The following WDR33 variants were observed in gnomAD, a reference collection of about 807,000 sequenced individuals.
The protein encoded by WDR33 is WD repeat domain 33.
In WDR33, 47 loss-of-function variants were observed where a neutral mutation model predicts 164.9. The ratio of observed to expected loss-of-function variants is 0.29; its 90% CI spans 0.23 to 0.36. The LOEUF is 0.36. WDR33 is among the 10% of genes least tolerant of loss of function. WDR33 has a pLI of 1.00. For synonymous variants in WDR33, 505 were observed against 589.0 expected, an observed-to-expected ratio of 0.86 and a Z score of 2.06; for missense variants, 1,137 against 1,754.1, an observed-to-expected ratio of 0.65 and a Z score of 6.28.
Position 127,716,893 on chromosome 2 carries a change from G to T in WDR33, c.2869+262C>A, listed in dbSNP as rs1270976616. Reference sequence around the variant, plus strand: ...GGAACCACCTGCATTGCCAACAGATGGGCAAGGCCAGCCTGCCACACAGGC... The same window carrying T: ...GGAACCACCTGCATTGCCAACAGATTGGCAAGGCCAGCCTGCCACACAGGC... On this transcript the variant is annotated intron_variant, in intron 17 of 21. Coordinates refer to ENST00000322313, the MANE Select transcript of WDR33 (RefSeq NM_018383.5). The surrounding 1 kb of genome is among the most constrained non-coding windows in gnomAD (Gnocchi z 4.5). Among the ~76,000 whole-genome samples, 1 of 152,222 alleles carries T rather than the reference G, an allele frequency of 6.6e-6. No homozygotes were observed. The highest frequency in any genetic ancestry group is 1.5e-5 in the Non-Finnish European group (1 of 68,034).
At position 127,770,667 on chromosome 2, in the gene WDR33, G is replaced by C; in HGVS notation, c.204+111C>G. The C allele has an allele frequency of 1.2e-6, 1 of 810,064 alleles. No individual in the cohort carries two copies. Among genetic ancestry groups the C allele is most frequent in the Non-Finnish European group, 1.6e-6 (1 of 610,316 alleles). 50.2% of individuals were successfully genotyped at this position (810,064 alleles called of 1,614,324 possible). A position where few individuals can be genotyped will look rare whatever the true frequency, so the allele number is the denominator to read the frequency against. On this transcript the variant is annotated intron_variant, in intron 2 of 21. Transcript: ENST00000322313. This position sits in a 1 kb window ranked among gnomAD's most constrained non-coding sequence, Gnocchi z 4.9. ...AACCACACCACTGCACTCTGGCCTG[G>C]GCAACAAGAAAGAAACTCCATCTCA...
At chr2:127,749,929 G>A (rs559321907) in intron 7 of WDR33, among the ~76,000 whole-genome samples, 3 of 149,310 alleles carry the variant, frequency 2.0e-5, no homozygotes, top group African/African-American at 7.4e-5. Flanking sequence ...TCCACCTCTC[G>A]GGTTCACACC....
intron 1 of WDR33, among the ~76,000 whole-genome samples, chr2:127,778,892 T>A (rs1250333464): frequency 6.6e-6 from 1 of 152,022 alleles, no homozygotes; most frequent in East Asian, 1.9e-4. Context: ...CCATAATAGA[T>A]CTCCAACTAA....
chr2:127,753,738 T>C (rs1323247383), intron 7 of WDR33, among the ~76,000 whole-genome samples: 1 of 152,130 alleles, frequency 6.6e-6, no homozygotes, highest in African/African-American at 2.4e-5. Context: ...TATGGAGGCA[T>C]CTAGATTCAG....
chr2:127,744,356 T>C (rs1687109359), intron 7 of WDR33, among the ~76,000 whole-genome samples: 2 of 152,140 alleles, frequency 1.3e-5, no homozygotes, highest in African/African-American at 2.4e-5. Flanking sequence ...CAAAGGCCTA[T>C]CAGTGAGGAA....
intron 7 of WDR33, among the ~76,000 whole-genome samples, chr2:127,733,989 TAAATA>T (rs1186998096): frequency 2.0e-5 from 3 of 152,200 alleles, no homozygotes; most frequent in African/African-American, 7.2e-5. Context: ...TTCATCTCAC[TAAATA>T]TAACATCCAG....
Position 127,716,159 on chromosome 2 carries a change from C to G in WDR33, c.2869+996G>C, listed in dbSNP as rs1368488217. On this transcript the variant is annotated intron_variant, in intron 17 of 21. Coordinates refer to ENST00000322313, the MANE Select transcript of WDR33 (RefSeq NM_018383.5). This position sits in a 1 kb window ranked among gnomAD's most constrained non-coding sequence, Gnocchi z 4.5. ...CCACACAATGGGACAGAAATAAACACTCTCTAGTTCCCTTATCTCTTTCTT... is the reference window on the plus strand; with the variant it reads ...CCACACAATGGGACAGAAATAAACAGTCTCTAGTTCCCTTATCTCTTTCTT... Among the ~76,000 whole-genome samples the G allele has an allele frequency of 2.6e-5, 4 of 152,180 alleles. No individual in the cohort carries two copies. Among genetic ancestry groups the G allele is most frequent in the Non-Finnish European group, 5.9e-5 (4 of 68,042 alleles).
intron 7 of WDR33, among the ~76,000 whole-genome samples, chr2:127,754,740 C>T (rs1214006408): frequency 2.0e-5 from 3 of 151,920 alleles, no homozygotes; most frequent in Non-Finnish European, 2.9e-5. Flanking sequence ...CTTATCTTTC[C>T]ACAGGAAAAA....
At chr2:127,791,169 C>CG (rs1688833395) in intron 1 of WDR33, among the ~76,000 whole-genome samples, 1 of 105,748 alleles carries the variant, frequency 9.5e-6, no homozygotes, top group Non-Finnish European at 1.9e-5. Flanking sequence ...ACCCCACCCC[C>CG]CCCCCCAGCA....
At chr2:127,751,161 G>A (rs1216597612) in intron 7 of WDR33, among the ~76,000 whole-genome samples, 5 of 151,836 alleles carry the variant, frequency 3.3e-5, no homozygotes, top group African/African-American at 7.3e-5. Flanking sequence ...AGGAGTTCAA[G>A]ACCAGCCTAG....
At position 127,722,908 on chromosome 2, in the gene WDR33, G is replaced by A. The variant is rs775904850; in HGVS notation, c.1378+50C>T. ...ATATATTTATCAGGAACATAAACGGGTCAAGAAAAAATTTGTAAAAATTAA... is the reference window on the plus strand; with the variant it reads ...ATATATTTATCAGGAACATAAACGGATCAAGAAAAAATTTGTAAAAATTAA... On this transcript the variant is annotated intron_variant, in intron 13 of 21. Transcript: ENST00000322313. This position sits in a 1 kb window ranked among gnomAD's most constrained non-coding sequence, Gnocchi z 5.1. 7.8e-6 allele frequency: 12 copies of A among 1,534,666 alleles called. No homozygotes were observed. The Admixed American group carries it at 2.5e-4, about 32-fold the overall frequency.
chr2:127,701,234 C>A lies in WDR33; in HGVS notation c.*5089G>T, dbSNP rs1285586286. On this transcript the variant is annotated 3_prime_UTR_variant, in exon 22 of 22. Coordinates refer to ENST00000322313, the MANE Select transcript of WDR33 (RefSeq NM_018383.5). ...CCCTTTAGAACCACACCCACCCCTG[C>A]CTTCCAACTATTAATGCTGGCAGGA... is the stretch of plus-strand genomic sequence containing the variant. 7.8e-6 allele frequency: 2 copies of A among 256,154 alleles called. No individual in the cohort carries two copies. The highest frequency in any genetic ancestry group is 1.1e-3 in the Middle Eastern group (1 of 898). 15.9% of individuals were successfully genotyped at this position (256,154 alleles called of 1,614,324 possible).
At position 127,791,167 on chromosome 2, in the gene WDR33, C is replaced by G. The variant is rs563630160; in HGVS notation, c.-24+19845G>C. Among the ~76,000 whole-genome samples the G allele has an allele frequency of 9.8e-5, 9 of 91,906 alleles. 2 individuals carry two copies. Among genetic ancestry groups the G allele is most frequent in the Admixed American group, 2.5e-4 (2 of 7,932 alleles). The allele number at this position is 91,906 out of a possible 152,430, so 60.3% of individuals were successfully genotyped here. On this transcript the variant is annotated intron_variant, in intron 1 of 21. Coordinates refer to ENST00000322313, the MANE Select transcript of WDR33 (RefSeq NM_018383.5). ...ATCCAAACTCTTTCCCCACCCCACC[C>G]CCCCCCCCAGCAACTGCGTCTCACT...
chr2:127,801,816 G>A (rs886276632), intron 1 of WDR33, among the ~76,000 whole-genome samples: 9 of 151,904 alleles, frequency 5.9e-5, no homozygotes, highest in South Asian at 2.1e-4. Context: ...CCCAGGAGAC[G>A]GATGCTGCAG....
chr2:127,741,202 G>C lies in WDR33; in HGVS notation c.725-14425C>G, dbSNP rs1357621641. Among the ~76,000 whole-genome samples, 3 of 152,200 alleles carry C rather than the reference G, an allele frequency of 2.0e-5. No individual in the cohort carries two copies. The highest frequency in any genetic ancestry group is 2.9e-5 in the Non-Finnish European group (2 of 68,030). On this transcript the variant is annotated intron_variant, in intron 7 of 21. Coordinates refer to ENST00000322313, the MANE Select transcript of WDR33 (RefSeq NM_018383.5). The surrounding 1 kb of genome is among the most constrained non-coding windows in gnomAD (Gnocchi z 4.1). ...CAAAAAGCACATTTCAGTCTGGGAA[G>C]AAACCCTAGAGCAGGATTTGAGGCT...
At chr2:127,711,753 T>TATATATATATAGATATAG (rs1558919270) in intron 18 of WDR33, among the ~76,000 whole-genome samples, 2 of 71,138 alleles carry the variant, frequency 2.8e-5, no homozygotes, top group African/African-American at 2.6e-4. Context: ...CATATACAGA[T>TATATATATATAGATATAG]ATATATATAT....
At position 127,723,615 on chromosome 2, in the gene WDR33, G is replaced by C. The variant is rs972267411; in HGVS notation, c.1197-268C>G. Among the ~76,000 whole-genome samples the C allele has an allele frequency of 2.6e-5, 4 of 151,788 alleles. No homozygotes were observed. The highest frequency in any genetic ancestry group is 9.7e-5 in the African/African-American group (4 of 41,234). ...CTACAAAATAAAAATTAAAAAGTTA[G>C]CTGGGTGTGGTGGCACACACCTGTA... On this transcript the variant is annotated intron_variant, in intron 11 of 21. Transcript: ENST00000322313. The surrounding 1 kb of genome is among the most constrained non-coding windows in gnomAD (Gnocchi z 5.9).
At chr2:127,733,574 G>A (rs911884996) in intron 7 of WDR33, among the ~76,000 whole-genome samples, 1 of 152,110 alleles carries the variant, frequency 6.6e-6, no homozygotes, top group African/African-American at 2.4e-5. Context: ...ATATACGGCT[G>A]TTTAAATTTG....
At chr2:127,729,450 G>C (rs1341705273) in intron 7 of WDR33, among the ~76,000 whole-genome samples, 5 of 151,770 alleles carry the variant, frequency 3.3e-5, no homozygotes, top group Non-Finnish European at 7.4e-5. Flanking sequence ...ACTCAGTGAA[G>C]GATAGTACCT....
Sources: gnomAD v4.1 joint callset for allele counts (sites outside exome capture counted in the v4.1 genomes callset) on GRCh38, gnomAD v4.1.1 for gene constraint, Gnocchi (gnomAD v3.1) non-coding constraint, MANE v1.5 for transcripts, NCBI Gene and HGNC (gene_info 2026-07-23, HGNC 2026-07-21) for gene names.